The following STXBP5L variants were observed in gnomAD, a reference collection of about 807,000 sequenced individuals.
STXBP5L encodes the protein syntaxin-binding protein 5-like.
In STXBP5L, 65 loss-of-function variants were observed where a neutral mutation model predicts 144.5. The ratio of observed to expected loss-of-function variants is 0.45; its 90% CI spans 0.37 to 0.55. STXBP5L has a LOEUF of 0.55. Among genes scored for constraint, STXBP5L ranks in the 20% least tolerant of loss-of-function variants. The pLI is 0.00. For synonymous variants in STXBP5L, 505 were observed against 469.6 expected (o/e 1.08, Z -0.97); for missense variants, 1,298 against 1,405.5 (o/e 0.92, Z 1.22).
intron 20 of STXBP5L, among the ~76,000 whole-genome samples, chr3:121,324,946 A>T (rs978181359): frequency 1.3e-5 from 2 of 151,330 alleles, no homozygotes; most frequent in African/African-American, 4.9e-5. Flanking sequence ...CAATAGTAAG[A>T]TTTTTTTTAT....
intron 3 of STXBP5L, among the ~76,000 whole-genome samples, chr3:120,991,527 C>A (rs1204530557): frequency 6.6e-6 from 1 of 152,216 alleles, no homozygotes; most frequent in Non-Finnish European, 1.5e-5. Context: ...AAGACACATG[C>A]ACATGTATGT....
At chr3:121,233,399 C>G in intron 11 of STXBP5L, among the ~76,000 whole-genome samples, 1 of 152,124 alleles carries the variant, frequency 6.6e-6, no homozygotes, top group Non-Finnish European at 1.5e-5. Flanking sequence ...TACTATGCTA[C>G]TTTTAATTTT....
At chr3:121,301,265 C>A (rs532682026) in intron 19 of STXBP5L, among the ~76,000 whole-genome samples, 51 of 152,282 alleles carry the variant, frequency 3.3e-4, no homozygotes, top group Non-Finnish European at 6.6e-4. Context: ...TCCTTCACAT[C>A]CCTTGTAAGT....
chr3:121,396,824 T>C (rs145948267), intron 22 of STXBP5L, among the ~76,000 whole-genome samples: 1 of 152,348 alleles, frequency 6.6e-6, no homozygotes, highest in Non-Finnish European at 1.5e-5. Flanking sequence ...TGAGCCCTAA[T>C]GTGAGTGATG....
chr3:121,222,917 A>C, intron 10 of STXBP5L, 86 bp from the exon 11 acceptor site: 17 of 1,453,684 alleles, frequency 1.2e-5, no homozygotes, highest in South Asian at 2.9e-5. Context: ...GGTATGCAAC[A>C]AAACCTGTTC....
rs577008664 is a variant in STXBP5L at position 121,063,016 on chromosome 3, T to A, written c.470+17481T>A. Among the ~76,000 whole-genome samples, 3 of 152,330 alleles carry A rather than the reference T, an allele frequency of 2.0e-5. No homozygotes were observed. In the East Asian group the frequency reaches 5.8e-4, roughly 29 times the overall value. On this transcript the variant is annotated intron_variant, in intron 5 of 26. Transcript: ENST00000471454. ...TCTGAAGCCTACTTCTGTCAATTCA[T>A]CAAACTCATTCTCCATCCAGTTTTG... is the stretch of plus-strand genomic sequence containing the variant.
At chr3:121,119,868 A>G (rs1197999078) in intron 6 of STXBP5L, among the ~76,000 whole-genome samples, 1 of 151,334 alleles carries the variant, frequency 6.6e-6, no homozygotes, top group African/African-American at 2.4e-5. Flanking sequence ...TGAAAAAGCA[A>G]CTACAAATAA....
In STXBP5L at chr3:121,247,874, T is replaced by C. The variant is rs114198611; in HGVS notation, c.1401-2849T>C. On this transcript the variant is annotated intron_variant, in intron 14 of 26. Coordinates refer to ENST00000471454, the MANE Select transcript of STXBP5L (RefSeq NM_001308330.2). ...AGGTCAAATGGTAGCTCTGAGTTCT[T>C]TGAGAAATCTCCCAACCGCTTTCTA... is the stretch of plus-strand genomic sequence containing the variant. Among the ~76,000 whole-genome samples, 633 of 152,300 alleles carry C rather than the reference T, an allele frequency of 4.2e-3. 2 individuals are homozygous for C. The highest frequency in any genetic ancestry group is 0.014 in the African/African-American group (595 of 41,564).
At chr3:121,250,856 G>T (rs2050005671) in intron 15 of STXBP5L, 93 bp downstream of exon 15, 2 of 1,132,516 alleles carry the variant, frequency 1.8e-6, no homozygotes, top group South Asian at 1.4e-5. Context: ...TAAAATTTCA[G>T]ATATATTTTT....
In STXBP5L at chr3:121,316,273, G is replaced by A. The variant is rs186106192; in HGVS notation, c.2111-2202G>A. 2.6e-3 allele frequency among the ~76,000 whole-genome samples: 401 copies of A among 152,300 alleles called. 4 individuals carry two copies. The highest frequency in any genetic ancestry group is 9.0e-3 in the African/African-American group (375 of 41,574). On this transcript the variant is annotated intron_variant, in intron 19 of 26. Transcript: ENST00000471454. ...TATTGTTAGATCCATATTCAGTTCA[G>A]TTCCTACCTTCATCAGGAAAGTAGG... is the stretch of plus-strand genomic sequence containing the variant.
chr3:121,046,511 C>T (rs1947526242), intron 5 of STXBP5L, among the ~76,000 whole-genome samples: 1 of 151,944 alleles, frequency 6.6e-6, no homozygotes, highest in East Asian at 1.9e-4. Flanking sequence ...GGTTGGTAGG[C>T]TTTTTATTAC....
chr3:121,021,043 CT>C (rs1460047878), intron 3 of STXBP5L, among the ~76,000 whole-genome samples: 1 of 152,026 alleles, frequency 6.6e-6, no homozygotes, highest in African/African-American at 2.4e-5. Flanking sequence ...CACATAAGGA[CT>C]CACATAAACT....
chr3:121,253,882 T>TG (rs1206563408), intron 15 of STXBP5L, among the ~76,000 whole-genome samples: 191 of 148,986 alleles, frequency 1.3e-3, no homozygotes, highest in African/African-American at 4.5e-3. Context: ...CTCGATCTCC[T>TG]GACCTGGTGA....
At chr3:121,032,600 A>G (rs2107513423) in intron 3 of STXBP5L, among the ~76,000 whole-genome samples, 1 of 140,830 alleles carries the variant, frequency 7.1e-6, no homozygotes, top group East Asian at 2.1e-4. Context: ...GAGCTTCTGC[A>G]CAGCAAAAGA....
intron 5 of STXBP5L, among the ~76,000 whole-genome samples, chr3:121,083,410 C>G (rs922285255): frequency 4.6e-5 from 7 of 151,994 alleles, no homozygotes; most frequent in Admixed American, 1.3e-4. Context: ...GCCTGTAATT[C>G]CAATACTTTG....
At chr3:121,019,293 C>G (rs888580988) in intron 3 of STXBP5L, among the ~76,000 whole-genome samples, 1 of 152,154 alleles carries the variant, frequency 6.6e-6, no homozygotes, top group South Asian at 2.1e-4. Flanking sequence ...TCTACCTACC[C>G]TAATTGAAGA....
At chr3:121,166,278 T>C (rs1559814900) in intron 9 of STXBP5L, among the ~76,000 whole-genome samples, 2 of 152,104 alleles carry the variant, frequency 1.3e-5, no homozygotes, top group Non-Finnish European at 2.9e-5. Flanking sequence ...AGTGCTGGGA[T>C]TACAGGCATG....
chr3:121,210,372 C>T (rs1350690387), intron 10 of STXBP5L, among the ~76,000 whole-genome samples: 3 of 151,474 alleles, frequency 2.0e-5, no homozygotes, highest in Non-Finnish European at 4.4e-5. Context: ...TTCTCCCATT[C>T]TGTAGGTTGC....
intron 5 of STXBP5L, among the ~76,000 whole-genome samples, chr3:121,080,329 T>A (rs2042197730): frequency 1.3e-5 from 2 of 152,214 alleles, no homozygotes. Flanking sequence ...CATTCAATAT[T>A]AGTATTGAGA....
Sources: gnomAD v4.1 joint callset for allele counts (sites outside exome capture counted in the v4.1 genomes callset) on GRCh38, gnomAD v4.1.1 for gene constraint, MANE v1.5 for transcripts, NCBI Gene and HGNC (gene_info 2026-07-23, HGNC 2026-07-21) for gene names.